Variants in PCDHGB1 observed in about 807,000 individuals in gnomAD.
PCDHGB1 encodes protocadherin gamma-B1.
Under a neutral mutation model 56.6 loss-of-function variants are expected in PCDHGB1, and 34 were observed. That is an observed-to-expected ratio of 0.60 (90% CI 0.46 to 0.80). The LOEUF is 0.80. Among genes scored for constraint, PCDHGB1 ranks in the 30% least tolerant of loss-of-function variants. PCDHGB1 has a pLI of 0.00. For missense variants in PCDHGB1, 1,278 were observed against 1,204.6 expected, an observed-to-expected ratio of 1.06 and a Z score of -0.90; for synonymous variants, 561 against 505.9, an observed-to-expected ratio of 1.11 and a Z score of -1.46.
chr5:141,351,669 T>G lies in PCDHGB1; in HGVS notation c.1409T>G (p.Val470Gly), dbSNP rs1299176651. The change falls in exon 1 of 4, where the codon GTA becomes GGA. Residue 470 changes from valine to glycine, a missense_variant. Coordinates refer to ENST00000523390, the MANE Select transcript of PCDHGB1 (RefSeq NM_018922.3). ...NNPPGASIAQ[V>G]SASDPDLGPN... ...CCACCTGGCGCCTCCATTGCACAAG[T>G]AAGCGCCTCCGACCCGGATTTGGGA... 2 of 1,614,002 alleles carry G rather than the reference T, an allele frequency of 1.2e-6. No individual in the cohort carries two copies. Among genetic ancestry groups the G allele is most frequent in the Admixed American group, 1.7e-5 (1 of 60,032 alleles).
At chr5:141,388,831 T>A (rs1300455758) in intron 1 of PCDHGB1, 1 of 1,613,964 alleles carries the variant, frequency 6.2e-7, no homozygotes, top group Non-Finnish European at 8.5e-7. Flanking sequence ...TATTCCATAG[T>A]TTTGGAAGCA....
chr5:141,360,055 G>A, intron 1 of PCDHGB1: 1 of 1,446,612 alleles, frequency 6.9e-7, no homozygotes, highest in Non-Finnish European at 9.1e-7. Context: ...ACAAAAGCAG[G>A]AAAAGTGACC....
chr5:141,373,678 A>G (rs4151698), intron 1 of PCDHGB1, among the ~76,000 whole-genome samples: 17,665 of 152,222 alleles, frequency 0.12, 1,184 homozygotes, highest in African/African-American at 0.18. Flanking sequence ...TGAATGGTAA[A>G]CTTCAGAGAA....
At position 141,350,479 on chromosome 5, in the gene PCDHGB1, C is replaced by T. The variant is rs376831132; in HGVS notation, c.219C>T (p.Asn73=). The T allele has an allele frequency of 6.2e-7, 1 of 1,613,916 alleles. No individual in the cohort carries two copies. The highest frequency in any genetic ancestry group is 8.5e-7 in the Non-Finnish European group (1 of 1,179,876). ...KLRVSAEDYF[N]VSLESGDLLV... ...GGGTTAGTGCAGAGGATTATTTCAA[C>T]GTTAGTTTGGAGAGCGGGGATTTGT... Residue 73 remains asparagine, a synonymous_variant, in exon 1 of 4, where the codon AAC becomes AAT. Coordinates refer to ENST00000523390, the MANE Select transcript of PCDHGB1 (RefSeq NM_018922.3).
rs375166529 is a variant in PCDHGB1, at chr5:141,399,734, C to G, written c.2409+47065C>G. The G allele has an allele frequency of 3.7e-6, 6 of 1,613,220 alleles. No homozygotes were observed. The African/African-American group carries it at 4.0e-5, about 11-fold the overall frequency. ...CTACAGGCCCGCGACCAGGGCTCGC[C>G]TGCGCTCAGCGCAAACGTGAGCCTG... On this transcript the variant is annotated intron_variant, in intron 1 of 3. Transcript: ENST00000523390.
At chr5:141,383,719 A>G in intron 1 of PCDHGB1, 1 of 1,613,984 alleles carries the variant, frequency 6.2e-7, no homozygotes, top group Non-Finnish European at 8.5e-7. Flanking sequence ...CGAGGGAGTC[A>G]ATGGGGAAGT....
chr5:141,428,037 C>T, intron 1 of PCDHGB1: 1 of 1,608,458 alleles, frequency 6.2e-7, no homozygotes, highest in South Asian at 1.1e-5. Context: ...GTCCGGCTAC[C>T]TGGTGACCAA....
intron 1 of PCDHGB1, chr5:141,389,934 G>A (rs746045897): frequency 6.2e-7 from 1 of 1,614,064 alleles, no homozygotes; most frequent in East Asian, 2.2e-5. Flanking sequence ...TGACCTCCAG[G>A]CTGAGCTGCA....
intron 1 of PCDHGB1, chr5:141,361,144 A>G: frequency 6.2e-7 from 1 of 1,613,986 alleles, no homozygotes; most frequent in South Asian, 1.1e-5. Flanking sequence ...CCAAGTTGAA[A>G]TTCTTGATGA....
At chr5:141,385,088 G>A in intron 1 of PCDHGB1, 2 of 1,614,226 alleles carry the variant, frequency 1.2e-6, no homozygotes, top group Non-Finnish European at 1.7e-6. Flanking sequence ...GCTTCAGAAG[G>A]TGGCTTGGCG....
At chr5:141,356,340 C>G in intron 1 of PCDHGB1, 1 of 1,554,780 alleles carries the variant, frequency 6.4e-7, no homozygotes, top group Non-Finnish European at 8.7e-7. Flanking sequence ...GAGGAAATGG[C>G]CTAGTCACAT....
At chr5:141,465,923 C>G (rs908350232) in intron 1 of PCDHGB1, among the ~76,000 whole-genome samples, 2 of 152,062 alleles carry the variant, frequency 1.3e-5, no homozygotes, top group African/African-American at 4.8e-5. Flanking sequence ...GATTTCGAGT[C>G]CATCCTGGCT....
intron 1 of PCDHGB1, chr5:141,419,680 C>T (rs757026598): frequency 9.3e-6 from 15 of 1,612,946 alleles, no homozygotes; most frequent in Non-Finnish European, 1.3e-5. Flanking sequence ...TGTCCTACCA[C>T]GTGGTGCAGG....
At chr5:141,415,753 T>TG in intron 1 of PCDHGB1, 2 of 1,381,386 alleles carry the variant, frequency 1.4e-6, no homozygotes, top group Non-Finnish European at 1.9e-6. Context: ...TTTTTTTTTT[T>TG]TTTTTTTTTT....
intron 1 of PCDHGB1, chr5:141,371,847 G>C: frequency 6.2e-7 from 1 of 1,613,670 alleles, no homozygotes; most frequent in Non-Finnish European, 8.5e-7. Flanking sequence ...GGGACCTAAT[G>C]GCCTTGTCTC....
chr5:141,418,807 G>A (rs1400599346), intron 1 of PCDHGB1: 2 of 1,613,650 alleles, frequency 1.2e-6, no homozygotes, highest in African/African-American at 1.3e-5. Context: ...AAAGATATAC[G>A]ATAAACATAG....
At position 141,369,113 on chromosome 5, in the gene PCDHGB1, T is replaced by G. The variant is rs192436354; in HGVS notation, c.2409+16444T>G. 6.1e-4 allele frequency among the ~76,000 whole-genome samples: 93 copies of G among 152,262 alleles called. 2 individuals are homozygous for G. Among genetic ancestry groups the G allele is most frequent in the African/African-American group, 2.2e-3 (90 of 41,546 alleles). ...TGGTTTGAAAATGGAATTAAAACTG[T>G]AAGACACCTGTCAGAAACATGGAAA... On this transcript the variant is annotated intron_variant, in intron 1 of 3. Coordinates refer to ENST00000523390, the MANE Select transcript of PCDHGB1 (RefSeq NM_018922.3).
At chr5:141,382,683 G>A in intron 1 of PCDHGB1, 1 of 444,266 alleles carries the variant, frequency 2.3e-6, no homozygotes, top group Non-Finnish European at 4.0e-6. Context: ...ACCAACCAGG[G>A]AAAAATGGTG....
At chr5:141,358,290 T>C (rs528714629) in intron 1 of PCDHGB1, among the ~76,000 whole-genome samples, 1 of 152,258 alleles carries the variant, frequency 6.6e-6, no homozygotes, top group African/African-American at 2.4e-5. Context: ...AAGGCAATTG[T>C]GTAAATTCAC....
Sources: allele counts gnomAD v4.1 joint callset (sites outside exome capture counted in the v4.1 genomes callset), GRCh38; gene constraint gnomAD v4.1.1; transcripts MANE v1.5; gene names NCBI Gene and HGNC (gene_info 2026-07-23, HGNC 2026-07-21).